HSP90AA1: variants seen among roughly 807,000 people sequenced by gnomAD.
HSP90AA1 encodes heat shock protein 90 alpha family class A member 1, also known as heat shock protein HSP 90-alpha.
Under a neutral mutation model 73.3 loss-of-function variants are expected in HSP90AA1, and 18 were observed. That is an observed-to-expected ratio of 0.25 (90% CI 0.17 to 0.36). The LOEUF (loss-of-function observed/expected upper bound fraction) is 0.36, where lower values mean the gene tolerates loss of function less well. Among genes scored for constraint, HSP90AA1 ranks in the 10% least tolerant of loss-of-function variants. The probability of loss-of-function intolerance (pLI) is 1.00; values close to 1 mark genes in which losing one functional copy is unlikely to be tolerated. For synonymous variants in HSP90AA1, 477 were observed against 296.9 expected (o/e 1.61, Z -6.24); for missense variants, 704 against 874.2 (o/e 0.81, Z 2.45).
chr14:102,125,255 A>T (rs2049826345), intron 1 of HSP90AA1, among the ~76,000 whole-genome samples: 1 of 152,138 alleles, frequency 6.6e-6, no homozygotes, highest in South Asian at 2.1e-4. Context: ...CAGCCTCCCA[A>T]AGTGCTGGGA....
chr14:102,084,070 A>G (rs2049161596), intron 6 of HSP90AA1, 87 bp from the exon 7 acceptor site: 1 of 1,022,414 alleles, frequency 9.8e-7, no homozygotes, highest in Non-Finnish European at 1.5e-6. Flanking sequence ...GATAACCTGA[A>G]GATGATGGGA....
chr14:102,118,276 T>C (rs983913118), intron 1 of HSP90AA1, among the ~76,000 whole-genome samples: 3 of 152,236 alleles, frequency 2.0e-5, no homozygotes, highest in Admixed American at 6.5e-5. Context: ...GCAACACTTA[T>C]AGTGGTTTAT....
At position 102,081,090 on chromosome 14, in the gene HSP90AA1, T is replaced by C. The variant is rs944491130; in HGVS notation, c.*622A>G. 2 of 228,630 alleles carry C rather than the reference T, an allele frequency of 8.7e-6. No homozygotes were observed. Among genetic ancestry groups the C allele is most frequent in the Non-Finnish European group, 1.7e-5 (2 of 115,360 alleles). 14.2% of individuals were successfully genotyped at this position (228,630 alleles called of 1,614,324 possible). A position where few individuals can be genotyped will look rare whatever the true frequency, so the allele number is the denominator to read the frequency against. On this transcript the variant is annotated 3_prime_UTR_variant, in exon 11 of 11. Coordinates refer to ENST00000216281, the MANE Select transcript of HSP90AA1 (RefSeq NM_005348.4). ...ATTTGTTACAACTTTAAGCAGAATG[T>C]GACTCGAGCACTACATTTCCATCCA...
chr14:102,103,142 A>G (rs908213367), intron 1 of HSP90AA1, among the ~76,000 whole-genome samples: 2 of 149,090 alleles, frequency 1.3e-5, no homozygotes, highest in Admixed American at 6.7e-5. Flanking sequence ...GATGGTGCCA[A>G]TATACTCCAG....
At chr14:102,094,261 ATGTC>A (rs1472393313) in intron 2 of HSP90AA1, among the ~76,000 whole-genome samples, 7 of 152,190 alleles carry the variant, frequency 4.6e-5, no homozygotes, top group African/African-American at 1.4e-4. Context: ...CTGAAAAAAA[ATGTC>A]TGGCCACATT....
At chr14:102,103,661 G>A (rs1028376391) in intron 1 of HSP90AA1, among the ~76,000 whole-genome samples, 7 of 151,928 alleles carry the variant, frequency 4.6e-5, no homozygotes, top group Non-Finnish European at 1.0e-4. Flanking sequence ...AAAATTAGCC[G>A]GGTATGGCAG....
chr14:102,138,552 A>G (rs145576307), intron 1 of HSP90AA1, among the ~76,000 whole-genome samples: 2 of 152,282 alleles, frequency 1.3e-5, no homozygotes, highest in Non-Finnish European at 2.9e-5. Context: ...TGTTATTATC[A>G]AATGTATTAC....
intron 10 of HSP90AA1, 77 bp downstream of exon 10, chr14:102,082,034 A>G (rs546410446): frequency 5.7e-6 from 6 of 1,056,728 alleles, no homozygotes; most frequent in South Asian, 2.6e-5. Flanking sequence ...CCAAGTTTGG[A>G]TAACTGAAAG....
intron 1 of HSP90AA1, among the ~76,000 whole-genome samples, chr14:102,118,860 T>C (rs1029315936): frequency 6.6e-6 from 1 of 150,424 alleles, no homozygotes; most frequent in Non-Finnish European, 1.5e-5. Context: ...CTTCCTTTTT[T>C]TTTTTTTTTT....
At chr14:102,113,102 C>T (rs899894110) in intron 1 of HSP90AA1, among the ~76,000 whole-genome samples, 4 of 152,148 alleles carry the variant, frequency 2.6e-5, no homozygotes, top group South Asian at 2.1e-4. Context: ...TGGTTCACTG[C>T]GACCTCTGCC....
At chr14:102,086,165 A>C (rs770253912) in intron 2 of HSP90AA1, 41 bp from the exon 3 acceptor site, 2 of 1,603,762 alleles carry the variant, frequency 1.2e-6, no homozygotes, top group East Asian at 4.9e-5. Flanking sequence ...CAGCACCCCC[A>C]AGAAGTTCAC....
chr14:102,135,642 C>G (rs1249535429), intron 1 of HSP90AA1, among the ~76,000 whole-genome samples: 1 of 152,262 alleles, frequency 6.6e-6, no homozygotes, highest in African/African-American at 2.4e-5. Flanking sequence ...GCTGCAGGTC[C>G]CGGAGCCCTG....
At chr14:102,088,948 C>G (rs2049313334), upstream of HSP90AA1, among the ~76,000 whole-genome samples, 1 of 151,634 alleles carries the variant, frequency 6.6e-6, no homozygotes, top group African/African-American at 2.4e-5. Context: ...TCTTGGTCCC[C>G]CAGGCTCGAG....
rs1336394571 is a variant in HSP90AA1 at position 102,083,898 on chromosome 14, A to G, written c.1233T>C (p.Val411=). ...EMLQQSKILK[V]IRKNLVKKCL... is the part of the protein sequence containing the mutation. Reference sequence around the variant, plus strand: ...ATTTTTTGACCAAATTCTTCCTGATAACTTTCAAAATTTTGCTTTGTTGCA... The same window carrying G: ...ATTTTTTGACCAAATTCTTCCTGATGACTTTCAAAATTTTGCTTTGTTGCA... The change falls in exon 7 of 11, where the codon GTT becomes GTC. Residue 411 remains valine, a synonymous_variant. Coordinates refer to ENST00000216281, the MANE Select transcript of HSP90AA1 (RefSeq NM_005348.4). 1 of 1,614,010 alleles carries G rather than the reference A, an allele frequency of 6.2e-7. No homozygotes were observed. The highest frequency in any genetic ancestry group is 8.5e-7 in the Non-Finnish European group (1 of 1,179,920).
intron 1 of HSP90AA1, among the ~76,000 whole-genome samples, chr14:102,136,784 A>G (rs2050004035): frequency 6.6e-6 from 1 of 150,916 alleles, no homozygotes; most frequent in Admixed American, 6.6e-5. Context: ...GCTATTTGGG[A>G]GGCAGAGGCA....
rs146271484 is a variant in HSP90AA1 at position 102,119,686 on chromosome 14, A to G, written c.156-17601T>C. Among the ~76,000 whole-genome samples, 1,481 of 152,124 alleles carry G rather than the reference A, an allele frequency of 9.7e-3. 25 individuals carry two copies. The highest frequency in any genetic ancestry group is 0.035 in the African/African-American group (1,432 of 41,490). Reference sequence around the variant, plus strand: ...GTATTTTCAGTAGAGACAGGGTTTCACCATGTTGGCCAGGGTGGTCTCGAT... The same window carrying G: ...GTATTTTCAGTAGAGACAGGGTTTCGCCATGTTGGCCAGGGTGGTCTCGAT... On this transcript the variant is annotated intron_variant, in intron 1 of 11. Coordinates refer to the HSP90AA1 transcript ENST00000334701.
chr14:102,103,670 A>G (rs1365405760), intron 1 of HSP90AA1, among the ~76,000 whole-genome samples: 1 of 151,972 alleles, frequency 6.6e-6, no homozygotes, highest in African/African-American at 2.4e-5. Context: ...CGGGTATGGC[A>G]GTAGATGCCT....
At chr14:102,138,053 C>T (rs1405038303) in intron 1 of HSP90AA1, among the ~76,000 whole-genome samples, 2 of 150,626 alleles carry the variant, frequency 1.3e-5, no homozygotes, top group Non-Finnish European at 3.0e-5. Context: ...ATGCATGAGA[C>T]AAAGTGAACA....
At chr14:102,111,685 C>G (rs1391014181) in intron 1 of HSP90AA1, among the ~76,000 whole-genome samples, 1 of 152,214 alleles carries the variant, frequency 6.6e-6, no homozygotes, top group East Asian at 1.9e-4. Context: ...TAGTTATAAG[C>G]TGGAATAAAT....
Sources: allele counts gnomAD v4.1 joint callset (sites outside exome capture counted in the v4.1 genomes callset), GRCh38; gene constraint gnomAD v4.1.1; transcripts MANE v1.5; gene names NCBI Gene and HGNC (gene_info 2026-07-23, HGNC 2026-07-21).